The following CFAP54 variants were observed in gnomAD, a reference collection of about 807,000 sequenced individuals.
The protein encoded by CFAP54 is cilia and flagella associated protein 54, also known as cilia- and flagella-associated protein 54.
A neutral mutation model predicts 370.4 loss-of-function variants in CFAP54; 290 were observed. That is an observed-to-expected ratio of 0.78 (90% CI 0.71 to 0.86). The LOEUF (loss-of-function observed/expected upper bound fraction) is 0.86, where lower values mean the gene tolerates loss of function less well. Among genes scored for constraint, CFAP54 ranks in the 40% least tolerant of loss-of-function variants. CFAP54 has a pLI of 0.00. For missense variants in CFAP54, 3,399 were observed against 3,528.7 expected, an observed-to-expected ratio of 0.96 and a Z score of 0.93; for synonymous variants, 1,206 against 1,236.5, an observed-to-expected ratio of 0.98 and a Z score of 0.52.
chr12:96,838,451 G>T (rs1276406924), intron 66 of CFAP54, among the ~76,000 whole-genome samples: 3 of 152,092 alleles, frequency 2.0e-5, no homozygotes, highest in Admixed American at 2.0e-4. Context: ...AAGAAAAAAG[G>T]TTTAATTGAC....
intron 58 of CFAP54, among the ~76,000 whole-genome samples, chr12:96,762,220 A>C (rs1958347391): frequency 6.6e-6 from 1 of 152,222 alleles, no homozygotes; most frequent in African/African-American, 2.4e-5. Flanking sequence ...TCGCTAGTAT[A>C]TAAAAATACA....
intron 66 of CFAP54, among the ~76,000 whole-genome samples, chr12:96,858,639 T>C (rs11836723): frequency 0.38 from 58,064 of 151,948 alleles, 11,646 homozygotes; most frequent in East Asian, 0.54. Context: ...CAATACTGTT[T>C]GCAATTGCCA....
Position 96,724,414 on chromosome 12 carries a change from T to C in CFAP54, c.6965+3849T>C, listed in dbSNP as rs370273726. Among the ~76,000 whole-genome samples the C allele has an allele frequency of 2.0e-5, 3 of 152,118 alleles. No individual in the cohort carries two copies. The East Asian group carries it at 5.8e-4, about 29-fold the overall frequency. ...CTCATTGTGGTTTTGATTTGCATTT[T>C]TCTGATGGCCAGTGATGATGAGCAT... On this transcript the variant is annotated intron_variant, in intron 50 of 67. Coordinates refer to ENST00000524981, the MANE Select transcript of CFAP54 (RefSeq NM_001306084.2).
rs561058694 is a variant in CFAP54 at position 96,553,749 on chromosome 12, C to G, written c.2155-433C>G. ...TAGTTTTTGAAAATCATGATGTAGA[C>G]TAATATAGACTGTTGGGTTGATGGA... On this transcript the variant is annotated intron_variant, in intron 15 of 67. Coordinates refer to ENST00000524981, the MANE Select transcript of CFAP54 (RefSeq NM_001306084.2). Among the ~76,000 whole-genome samples, 240 of 151,730 alleles carry G rather than the reference C, an allele frequency of 1.6e-3. 1 individual carries two copies. The highest frequency in any genetic ancestry group is 5.5e-3 in the African/African-American group (226 of 41,434).
At chr12:96,630,502 G>A in intron 31 of CFAP54, 49 bp from the exon 32 acceptor site, 1 of 959,164 alleles carries the variant, frequency 1.0e-6, no homozygotes, top group African/African-American at 1.7e-5. Flanking sequence ...TTATACTACT[G>A]TGTTCAAAGT....
At chr12:96,507,715 T>C (rs1034870055) in intron 4 of CFAP54, among the ~76,000 whole-genome samples, 5 of 152,196 alleles carry the variant, frequency 3.3e-5, no homozygotes, top group African/African-American at 4.8e-5. Context: ...GTGTGTTCGA[T>C]GTGCATAAGA....
intron 66 of CFAP54, among the ~76,000 whole-genome samples, chr12:96,857,159 C>T (rs1249621611): frequency 6.6e-6 from 1 of 152,144 alleles, no homozygotes. Flanking sequence ...CAATTACCTC[C>T]CACCGGGTCC....
chr12:96,607,808 T>A (rs1016844571), intron 26 of CFAP54, among the ~76,000 whole-genome samples: 22 of 151,902 alleles, frequency 1.4e-4, no homozygotes, highest in South Asian at 6.3e-4. Context: ...TTTTTTTTTT[T>A]AAATCAGTGA....
chr12:96,828,804 T>G (rs996075193), intron 65 of CFAP54, among the ~76,000 whole-genome samples: 1 of 152,184 alleles, frequency 6.6e-6, no homozygotes, highest in Non-Finnish European at 1.5e-5. Flanking sequence ...AAAATAATTA[T>G]TTTCAAAATC....
At chr12:96,521,555 C>T (rs559927707) in intron 6 of CFAP54, among the ~76,000 whole-genome samples, 88 of 149,654 alleles carry the variant, frequency 5.9e-4, no homozygotes, top group African/African-American at 2.1e-3. Context: ...TGTGCGCGTG[C>T]GCACATGAGG....
chr12:96,643,056 C>T (rs79043578), intron 32 of CFAP54, among the ~76,000 whole-genome samples: 2 of 152,010 alleles, frequency 1.3e-5, no homozygotes, highest in Admixed American at 6.6e-5. Flanking sequence ...TCATCTTGGC[C>T]TTTTGAGGAG....
intron 62 of CFAP54, among the ~76,000 whole-genome samples, chr12:96,789,400 T>A (rs34461): frequency 0.15 from 22,497 of 152,194 alleles, 2,032 homozygotes; most frequent in Middle Eastern, 0.26. Flanking sequence ...TAACACCAGA[T>A]TCAGATTCAC....
chr12:96,616,375 G>C (rs560642400), intron 26 of CFAP54, among the ~76,000 whole-genome samples: 32 of 152,150 alleles, frequency 2.1e-4, no homozygotes, highest in African/African-American at 6.3e-4. Context: ...GGTGGTGGGA[G>C]GGGGGAGGGA....
At chr12:96,620,439 C>T (rs1471764223) in intron 26 of CFAP54, among the ~76,000 whole-genome samples, 1 of 152,172 alleles carries the variant, frequency 6.6e-6, no homozygotes, top group Admixed American at 6.5e-5. Context: ...TGCTTGCCAC[C>T]ATGTAAGACA....
At chr12:96,636,909 C>G (rs148182036) in intron 32 of CFAP54, among the ~76,000 whole-genome samples, 7 of 152,240 alleles carry the variant, frequency 4.6e-5, no homozygotes, top group Non-Finnish European at 1.0e-4. Flanking sequence ...GATAATAAGT[C>G]ACATGCCAAC....
intron 1 of CFAP54, among the ~76,000 whole-genome samples, chr12:96,492,404 A>G (rs753817688): frequency 1.2e-4 from 19 of 152,112 alleles, no homozygotes; most frequent in African/African-American, 3.4e-4. Context: ...TATATTTGCC[A>G]TCTTTGTTGT....
At chr12:96,591,424 G>T (rs1489855761) in intron 23 of CFAP54, among the ~76,000 whole-genome samples, 3 of 152,130 alleles carry the variant, frequency 2.0e-5, no homozygotes, top group East Asian at 1.9e-4. Context: ...AGGAGAGCAG[G>T]CAGAAGCTTA....
At chr12:96,820,717 G>A (rs562314311) in intron 65 of CFAP54, among the ~76,000 whole-genome samples, 2 of 152,216 alleles carry the variant, frequency 1.3e-5, no homozygotes, top group African/African-American at 4.8e-5. Flanking sequence ...AACTTGGGAG[G>A]TTTTATGGCT....
chr12:96,580,442 T>C (rs1956021508), intron 20 of CFAP54, 155 bp from the exon 21 acceptor site: 1 of 160,420 alleles, frequency 6.2e-6, no homozygotes, highest in African/African-American at 2.4e-5. Flanking sequence ...CTAAGGTTAC[T>C]TTTACTCTTT....
Sources: gnomAD v4.1 joint callset for allele counts (sites outside exome capture counted in the v4.1 genomes callset) on GRCh38, gnomAD v4.1.1 for gene constraint, MANE v1.5 for transcripts, NCBI Gene and HGNC (gene_info 2026-07-23, HGNC 2026-07-21) for gene names.